The following STK3 variants were observed in gnomAD, a reference collection of about 807,000 sequenced individuals.
STK3 encodes serine/threonine kinase 3, also known as serine/threonine-protein kinase 3.
A neutral mutation model predicts 58.0 loss-of-function variants in STK3; 41 were observed. The ratio of observed to expected loss-of-function variants is 0.71; its 90% CI spans 0.55 to 0.92. STK3 has a LOEUF of 0.92. Among genes scored for constraint, STK3 ranks in the 40% least tolerant of loss-of-function variants. The probability of loss-of-function intolerance (pLI) is 0.00; values close to 1 mark genes in which losing one functional copy is unlikely to be tolerated. For missense variants in STK3, 479 were observed against 602.7 expected, an observed-to-expected ratio of 0.79 and a Z score of 2.15; for synonymous variants, 170 against 191.0, an observed-to-expected ratio of 0.89 and a Z score of 0.91.
At chr8:98,593,913 C>G (rs1220790131) in intron 7 of STK3, among the ~76,000 whole-genome samples, 1 of 151,992 alleles carries the variant, frequency 6.6e-6, no homozygotes, top group Non-Finnish European at 1.5e-5. Flanking sequence ...AAATTTAAAT[C>G]AGAAGTTTGT....
At chr8:98,804,850 T>G (rs1432171643) in intron 1 of STK3, among the ~76,000 whole-genome samples, 1 of 142,804 alleles carries the variant, frequency 7.0e-6, no homozygotes, top group Non-Finnish European at 1.6e-5. Context: ...ATTAGGAAAA[T>G]GTGGTATGAG....
At chr8:98,790,071 G>A (rs1439824100) in intron 1 of STK3, among the ~76,000 whole-genome samples, 1 of 144,132 alleles carries the variant, frequency 6.9e-6, no homozygotes, top group African/African-American at 2.6e-5. Context: ...GAGATTCACA[G>A]CAGAAGCAGA....
intron 7 of STK3, among the ~76,000 whole-genome samples, chr8:98,585,982 T>TA (rs1563769240): frequency 2.0e-5 from 3 of 152,310 alleles, no homozygotes; most frequent in African/African-American, 7.2e-5. Context: ...CTTATCAGCT[T>TA]AAGGAGATTT....
At chr8:98,862,230 ACT>A (rs1271695509) in intron 3 of STK3, among the ~76,000 whole-genome samples, 1 of 151,978 alleles carries the variant, frequency 6.6e-6, no homozygotes, top group African/African-American at 2.4e-5. Context: ...GAGAAGAGAA[ACT>A]CTGGAACTTC....
chr8:98,662,207 A>T (rs1274086545), intron 6 of STK3, among the ~76,000 whole-genome samples: 1 of 152,174 alleles, frequency 6.6e-6, no homozygotes, highest in Non-Finnish European at 1.5e-5. Context: ...AAAATTAATA[A>T]TCTGATAAAA....
intron 6 of STK3, among the ~76,000 whole-genome samples, chr8:98,600,511 C>T (rs1044654278): frequency 1.3e-5 from 2 of 152,164 alleles, no homozygotes; most frequent in Non-Finnish European, 2.9e-5. Flanking sequence ...TTCAAGATCA[C>T]ACAGCTAGTA....
chr8:98,600,228 T>C (rs1431415850), intron 6 of STK3, among the ~76,000 whole-genome samples: 1 of 152,116 alleles, frequency 6.6e-6, no homozygotes, highest in Non-Finnish European at 1.5e-5. Flanking sequence ...GTGCAGCTGG[T>C]ATTCTGGAAG....
At chr8:98,410,414 C>T (rs1818041721) in intron 3 of STK3, among the ~76,000 whole-genome samples, 1 of 152,126 alleles carries the variant, frequency 6.6e-6, no homozygotes, top group African/African-American at 2.4e-5. Flanking sequence ...TATCTGTCTG[C>T]CTTGCTCAAA....
At chr8:98,390,733 G>GT (rs959741220), upstream of STK3, among the ~76,000 whole-genome samples, 1 of 151,652 alleles carries the variant, frequency 6.6e-6, no homozygotes, top group Non-Finnish European at 1.5e-5. Context: ...TTCACTATGG[G>GT]TTTTTTCTCT....
At chr8:98,814,327 A>G (rs1032018487) in intron 1 of STK3, among the ~76,000 whole-genome samples, 53 of 149,878 alleles carry the variant, frequency 3.5e-4, no homozygotes, top group African/African-American at 1.2e-3. Context: ...CTGGGATTAC[A>G]GCCGTGAGCC....
Position 98,520,700 on chromosome 8 carries a change from G to A in STK3, c.1317+6042C>T, listed in dbSNP as rs114087683. ...AAAATACAGTTCTCTTCTAGAAGGCGGCCTCGAGATGCATCATGAAGAGGG... is the reference window on the plus strand; with the variant it reads ...AAAATACAGTTCTCTTCTAGAAGGCAGCCTCGAGATGCATCATGAAGAGGG... On this transcript the variant is annotated intron_variant, in intron 10 of 10. Transcript: ENST00000419617. Among the ~76,000 whole-genome samples, 1,293 of 151,834 alleles carry A rather than the reference G, an allele frequency of 8.5e-3. 8 individuals are homozygous for A. The highest frequency in any genetic ancestry group is 0.021 in the African/African-American group (859 of 41,398).
intron 7 of STK3, among the ~76,000 whole-genome samples, chr8:98,583,411 T>C (rs1814112186): frequency 6.6e-6 from 1 of 152,060 alleles, no homozygotes; most frequent in African/African-American, 2.4e-5. Flanking sequence ...TTCCAAGTGA[T>C]TTTTATGCAA....
chr8:98,734,147 A>G (rs1346397980), intron 4 of STK3, among the ~76,000 whole-genome samples: 2 of 152,114 alleles, frequency 1.3e-5, no homozygotes, highest in Non-Finnish European at 2.9e-5. Flanking sequence ...ATCACCTCCA[A>G]TCCACCTCCA....
chr8:98,422,641 G>A (rs1818186654), intron 3 of STK3, among the ~76,000 whole-genome samples: 2 of 152,184 alleles, frequency 1.3e-5, no homozygotes, highest in South Asian at 4.1e-4. Context: ...CATGGAGGGA[G>A]GCGACGACAA....
chr8:98,396,300 T>C (rs1004810504), intron 3 of STK3, among the ~76,000 whole-genome samples: 3 of 152,230 alleles, frequency 2.0e-5, no homozygotes, highest in African/African-American at 7.2e-5. Flanking sequence ...TCCAAAATAA[T>C]ACAGGAGCTG....
downstream of STK3, among the ~76,000 whole-genome samples, chr8:98,453,104 T>C (rs1331277802): frequency 2.2e-5 from 2 of 90,454 alleles, no homozygotes; most frequent in African/African-American, 4.6e-5. Flanking sequence ...TTTTTTTTTT[T>C]CGAGACAGAG....
At chr8:98,396,326 C>T (rs1367056453) in intron 3 of STK3, among the ~76,000 whole-genome samples, 1 of 152,154 alleles carries the variant, frequency 6.6e-6, no homozygotes, top group Non-Finnish European at 1.5e-5. Flanking sequence ...CAACATATTG[C>T]CCTAAGAAGC....
chr8:98,876,494 C>A (rs1231050284), intron 3 of STK3, among the ~76,000 whole-genome samples: 1 of 152,112 alleles, frequency 6.6e-6, no homozygotes, highest in Non-Finnish European at 1.5e-5. Flanking sequence ...GAGAAGCTAA[C>A]AAGCCAAGTA....
intron 8 of STK3, among the ~76,000 whole-genome samples, chr8:98,557,606 T>G (rs563462110): frequency 3.3e-5 from 5 of 152,212 alleles, no homozygotes; most frequent in Non-Finnish European, 2.9e-5. Context: ...CTTCAATGTC[T>G]GACGGGCTGA....
Sources: allele counts gnomAD v4.1 joint callset (sites outside exome capture counted in the v4.1 genomes callset), GRCh38; gene constraint gnomAD v4.1.1; transcripts MANE v1.5; gene names NCBI Gene and HGNC (gene_info 2026-07-23, HGNC 2026-07-21).